The following LRSAM1 variants were observed in gnomAD, a reference collection of about 807,000 sequenced individuals.
LRSAM1 encodes E3 ubiquitin-protein ligase LRSAM1.
In LRSAM1, 96 loss-of-function variants were observed where a neutral mutation model predicts 118.1. That is an observed-to-expected ratio of 0.81 (90% CI 0.69 to 0.96). The LOEUF is 0.96. LRSAM1 is among the 40% of genes least tolerant of loss of function. The pLI, the probability that LRSAM1 is intolerant of heterozygous loss-of-function variation, is 0.00. For synonymous variants in LRSAM1, 322 were observed against 364.2 expected (o/e 0.88, Z 1.32); for missense variants, 804 against 915.5 (o/e 0.88, Z 1.57).
chr9:127,481,885 G>A (rs1452920753), intron 15 of LRSAM1, among the ~76,000 whole-genome samples: 2 of 151,578 alleles, frequency 1.3e-5, no homozygotes, highest in Admixed American at 1.3e-4. Flanking sequence ...GCAAAACGCT[G>A]TCTCTACTAA....
intron 9 of LRSAM1, among the ~76,000 whole-genome samples, chr9:127,463,073 T>C (rs1834809014): frequency 6.6e-6 from 1 of 151,756 alleles, no homozygotes; most frequent in African/African-American, 2.4e-5. Context: ...GGTGCGCACC[T>C]GTAATCCCAG....
In LRSAM1 at chr9:127,466,004, A is replaced by T. The variant is rs930081273; in HGVS notation, c.529-1736A>T. ...TACTGTATATTGTAAAACAAAAAAA[A>T]TGCAAATATTAAGAAACATTTCTGC... On this transcript the variant is annotated intron_variant, in intron 9 of 25. Coordinates refer to ENST00000300417, the MANE Select transcript of LRSAM1 (RefSeq NM_001005373.4). Among the ~76,000 whole-genome samples, 6 of 151,946 alleles carry T rather than the reference A, an allele frequency of 3.9e-5. No homozygotes were observed. In the East Asian group the frequency reaches 5.8e-4, roughly 15 times the overall value.
intron 8 of LRSAM1, among the ~76,000 whole-genome samples, chr9:127,461,604 C>T (rs1355163741): frequency 1.3e-5 from 2 of 152,234 alleles, no homozygotes; most frequent in Non-Finnish European, 2.9e-5. Flanking sequence ...GCAGTGCTTC[C>T]ACCTCCAGCG....
intron 8 of LRSAM1, 72 bp downstream of exon 8, chr9:127,461,329 T>C: frequency 7.0e-7 from 1 of 1,423,320 alleles, no homozygotes; most frequent in South Asian, 1.1e-5. Context: ...ATCCACAGGC[T>C]GCCCCGCCCG....
chr9:127,500,493 C>T (rs1382141595), intron 24 of LRSAM1, among the ~76,000 whole-genome samples: 1 of 152,068 alleles, frequency 6.6e-6, no homozygotes, highest in Non-Finnish European at 1.5e-5. Context: ...AACAGCCTTG[C>T]GGGGGGCCTC....
intron 8 of LRSAM1, 104 bp from the exon 9 acceptor site, chr9:127,462,148 T>C (rs1031525152): frequency 1.3e-6 from 2 of 1,528,786 alleles, no homozygotes; most frequent in African/African-American, 1.4e-5. Flanking sequence ...GAGCCCAGGA[T>C]CTGTTGTGTG....
At position 127,479,887 on chromosome 9, in the gene LRSAM1, A is replaced by G. The variant is rs1539567; in HGVS notation, c.952A>G (p.Asn318Asp). 0.78 allele frequency: 1,252,705 copies of G among 1,613,908 alleles called. 488,141 individuals carry two copies. Among genetic ancestry groups the G allele is most frequent in the Admixed American group, 0.83 (49,993 of 60,022 alleles). The change falls in exon 14 of 26, where the codon AAC (asparagine) becomes GAC (aspartate). Residue 318 changes from asparagine (N) to aspartate (D), a missense_variant. Physicochemically the swap from Asn to Asp is conservative, Grantham distance 23 (BLOSUM62 1). Coordinates refer to ENST00000300417, the MANE Select transcript of LRSAM1 (RefSeq NM_001005373.4). ...CCTGAGTGAGCACCAGCGCCACCTC[A>G]ACGCAGAGCGGCAGCGGCTGCAGGA... ...QGLSEHQRHLNAERQRLQEQL... is the reference protein window; with the variant it reads ...QGLSEHQRHLDAERQRLQEQL...
chr9:127,494,759 C>T (rs961704669), intron 21 of LRSAM1, among the ~76,000 whole-genome samples: 4 of 152,182 alleles, frequency 2.6e-5, no homozygotes, highest in Admixed American at 1.3e-4. Flanking sequence ...GCCTGGCCAA[C>T]GTGGTGAAAA....
chr9:127,466,499 TA>T (rs60012839), intron 9 of LRSAM1, among the ~76,000 whole-genome samples: 88 of 23,176 alleles, frequency 3.8e-3, no homozygotes, highest in African/African-American at 4.6e-3. Context: ...TATATATATA[TA>T]TATATTTTTT....
chr9:127,499,055 C>CA (rs112522307), intron 24 of LRSAM1, among the ~76,000 whole-genome samples: 3,008 of 134,198 alleles, frequency 0.022, 117 homozygotes, highest in African/African-American at 0.075. Context: ...AACTCTGTCT[C>CA]AAAAAAAAAA....
At chr9:127,487,226 A>G (rs1228146501) in intron 17 of LRSAM1, among the ~76,000 whole-genome samples, 1 of 151,572 alleles carries the variant, frequency 6.6e-6, no homozygotes, top group Non-Finnish European at 1.5e-5. Context: ...CAAAGCACAA[A>G]CATACGTGAG....
intron 23 of LRSAM1, 84 bp from the exon 24 acceptor site, chr9:127,497,169 G>A: frequency 7.1e-7 from 1 of 1,409,438 alleles, no homozygotes; most frequent in South Asian, 1.2e-5. Flanking sequence ...ACGGTCCTGT[G>A]AGCCTGGGCC....
chr9:127,461,375 G>A lies in LRSAM1; in HGVS notation c.406+118G>A, dbSNP rs1318171881. ...AGCAGGAGGGCAGCCAGTCTCCGGG[G>A]GTCGCTGTAAATGGACTGACCCCTG... is the stretch of plus-strand genomic sequence containing the variant. On this transcript the variant is annotated intron_variant, in intron 8 of 25. Coordinates refer to ENST00000300417, the MANE Select transcript of LRSAM1 (RefSeq NM_001005373.4). The A allele has an allele frequency of 1.1e-5, 9 of 840,702 alleles. No homozygotes were observed. The African/African-American group carries it at 1.5e-4, about 14-fold the overall frequency. The allele number at this position is 840,702 out of a possible 1,614,324, so 52.1% of individuals were successfully genotyped here.
At position 127,496,115 on chromosome 9, in the gene LRSAM1, A is replaced by T. The variant is rs199932024; in HGVS notation, c.1830+20A>T. On this transcript the variant is annotated intron_variant, in intron 23 of 25. Coordinates refer to ENST00000300417, the MANE Select transcript of LRSAM1 (RefSeq NM_001005373.4). Reference sequence around the variant, plus strand: ...GCCAAGGTGGGCAGCAGCCGTCTGCATGGAGGGGAGGGGCACGCAAGGCCG... The same window carrying T: ...GCCAAGGTGGGCAGCAGCCGTCTGCTTGGAGGGGAGGGGCACGCAAGGCCG... The T allele has an allele frequency of 6.2e-7, 1 of 1,605,780 alleles. No individual in the cohort carries two copies. Among genetic ancestry groups the T allele is most frequent in the Admixed American group, 1.7e-5 (1 of 60,010 alleles).
chr9:127,489,499 A>C lies in LRSAM1; in HGVS notation c.1403A>C (p.His468Pro). 5 of 1,609,334 alleles carry C rather than the reference A, an allele frequency of 3.1e-6. No individual in the cohort carries two copies. Among genetic ancestry groups the C allele is most frequent in the Non-Finnish European group, 4.2e-6 (5 of 1,178,488 alleles). Reference protein sequence around the residue: ...EALQVKKDLMHRQIRSQIKLI... With the variant: ...EALQVKKDLMPRQIRSQIKLI... ...CTCCAGGTGAAGAAAGACCTGATGC[A>C]TCGGCAGATCAGGAGCCAGGTGAGC... is the stretch of plus-strand genomic sequence containing the variant. The change falls in exon 19 of 26, where the codon CAT becomes CCT. Residue 468 changes from histidine (H) to proline (P), a missense_variant. Coordinates refer to ENST00000300417, the MANE Select transcript of LRSAM1 (RefSeq NM_001005373.4).
At chr9:127,484,381 T>C (rs2246267) in intron 16 of LRSAM1, among the ~76,000 whole-genome samples, 114,358 of 151,760 alleles carry the variant, frequency 0.75, 43,405 homozygotes, top group Non-Finnish European at 0.79. Flanking sequence ...CATTTTCTTT[T>C]TTTCTTTTTT....
intron 6 of LRSAM1, 33 bp downstream of exon 6, chr9:127,457,426 C>G: frequency 1.2e-6 from 2 of 1,606,844 alleles, no homozygotes; most frequent in Non-Finnish European, 1.7e-6. Context: ...AGCTGGGGCT[C>G]TGCATGGGGT....
intron 23 of LRSAM1, among the ~76,000 whole-genome samples, chr9:127,496,625 A>G (rs1836155427): frequency 6.6e-6 from 1 of 152,178 alleles, no homozygotes; most frequent in Non-Finnish European, 1.5e-5. Flanking sequence ...CAGGGTACAT[A>G]TCATTATCAT....
rs1213996679 is a variant in LRSAM1, at chr9:127,462,257, AAGCTGAAGG to A, written c.417_425del (p.Lys140_Leu142del). 1 of 1,614,050 alleles carries A rather than the reference AAGCTGAAGG, an allele frequency of 6.2e-7. No individual in the cohort carries two copies. Among genetic ancestry groups the A allele is most frequent in the South Asian group, 1.1e-5 (1 of 91,086 alleles). On this transcript the variant is annotated inframe_deletion, in exon 9 of 26. Coordinates refer to ENST00000300417, the MANE Select transcript of LRSAM1 (RefSeq NM_001005373.4). ...TGCTATTGGGGTCTCTGCAGACAAC[AAGCTGAAGG>A]AGCTTCCAGACACCGTGGGGGAGCT... is the stretch of plus-strand genomic sequence containing the variant.
Sources: gnomAD v4.1 joint callset for allele counts (sites outside exome capture counted in the v4.1 genomes callset) on GRCh38, gnomAD v4.1.1 for gene constraint, MANE v1.5 for transcripts, NCBI Gene and HGNC (gene_info 2026-07-23, HGNC 2026-07-21) for gene names.